The following RIPOR1 variants were observed in gnomAD, a reference collection of about 807,000 sequenced individuals.
RIPOR1 encodes rho family-interacting cell polarization regulator 1.
RIPOR1 carries 58 observed loss-of-function variants against 116.5 expected under a neutral mutation model. The observed-to-expected ratio is 0.50, with a 90% CI of 0.40 to 0.62. The LOEUF (loss-of-function observed/expected upper bound fraction) is 0.62. Among genes scored for constraint, RIPOR1 ranks in the 20% least tolerant of loss-of-function variants. The pLI is 0.00. For missense variants in RIPOR1, 1,372 were observed against 1,586.2 expected (o/e 0.86, Z 2.29); for synonymous variants, 605 against 650.0 (o/e 0.93, Z 1.05).
In RIPOR1 at chr16:67,539,903, C is replaced by A. The variant is rs778790010; in HGVS notation, c.414+4C>A. ...ACTGGAGTTCCATGCCAGCAAGGTACGAGTGCAGCATGTGTGCAGAGTGGG... is the reference window on the plus strand; with the variant it reads ...ACTGGAGTTCCATGCCAGCAAGGTAAGAGTGCAGCATGTGTGCAGAGTGGG... On this transcript the variant is annotated splice_donor_region_variant and intron_variant, in intron 6 of 21. Transcript: ENST00000042381. The A allele has an allele frequency of 1.2e-6, 2 of 1,614,134 alleles. No homozygotes were observed. Among genetic ancestry groups the A allele is most frequent in the South Asian group, 2.2e-5 (2 of 91,088 alleles).
rs976503402 is a variant in RIPOR1 at position 67,530,171 on chromosome 16, GGCGGGGAGGGC to G, written c.-24+1263_-24+1273del. On this transcript the variant is annotated intron_variant, in intron 1 of 21. Coordinates refer to ENST00000042381, the MANE Select transcript of RIPOR1 (RefSeq NM_024519.4). This position sits in a 1 kb window ranked among gnomAD's most constrained non-coding sequence, Gnocchi z 4.5. ...GGCTGGGTCCCGCTTGAGAGAAGCG[GGCGGGGAGGGC>G]GCGGGTGAGTCACGGCGGCCCCTCT... 8.8e-5 allele frequency: 33 copies of G among 373,052 alleles called. No homozygotes were observed. The highest frequency in any genetic ancestry group is 6.5e-4 in the African/African-American group (31 of 47,350). The allele number at this position is 373,052 out of a possible 1,614,324, so 23.1% of individuals were successfully genotyped here. A position where few individuals can be genotyped will look rare whatever the true frequency, so the allele number is the denominator to read the frequency against.
rs917927122 is a variant in RIPOR1, at chr16:67,537,749, G to A, written c.-23-675G>A. Among the ~76,000 whole-genome samples the A allele has an allele frequency of 5.9e-5, 9 of 152,110 alleles. No individual in the cohort carries two copies. The South Asian group carries it at 6.2e-4, about 10-fold the overall frequency. ...GATGCCGGGGTGGAGGCGCACGTCC[G>A]TGACTCAGTTTCCAGGTGGGAGCCT... On this transcript the variant is annotated intron_variant, in intron 1 of 21. Coordinates refer to ENST00000042381, the MANE Select transcript of RIPOR1 (RefSeq NM_024519.4). This position sits in a 1 kb window ranked among gnomAD's most constrained non-coding sequence, Gnocchi z 4.6.
chr16:67,534,963 CGCCCAGGTAGCTG>C (rs2050758252), intron 1 of RIPOR1, among the ~76,000 whole-genome samples: 2 of 151,512 alleles, frequency 1.3e-5, no homozygotes, highest in African/African-American at 4.9e-5. Flanking sequence ...CTGCCTCAGC[CGCCCAGGTAGCTG>C]GCACTACAGG....
In RIPOR1 at chr16:67,538,493, G is replaced by A. The variant is rs765902594; in HGVS notation, c.47G>A (p.Arg16Gln). ...CCGCAGCGCCGTCTGCTCAGCGCCC[G>A]GGTCAATAGGAGCCAGTCCTTCGCA... ...VRPQRRLLSA[R>Q]VNRSQSFAGV... The change falls in exon 2 of 22, where the codon CGG becomes CAG. Residue 16 changes from arginine to glutamine, a missense_variant. Physicochemically the swap from Arg to Gln is conservative, Grantham distance 43. This residue lies in a region of RIPOR1 where 165 missense variants were observed against 145.5 expected (regional missense o/e 1.13). Transcript: ENST00000042381. 7 of 1,611,794 alleles carry A rather than the reference G, an allele frequency of 4.3e-6. No homozygotes were observed. The highest frequency in any genetic ancestry group is 1.1e-5 in the South Asian group (1 of 90,970).
upstream of RIPOR1, among the ~76,000 whole-genome samples, chr16:67,525,591 C>T (rs2142397009): frequency 6.6e-6 from 1 of 152,244 alleles, no homozygotes; most frequent in Middle Eastern, 3.4e-3. Context: ...ATGGAACTAG[C>T]AGTGCCGTGT....
chr16:67,528,705 G>C (rs1444097599), upstream of RIPOR1: 1 of 152,070 alleles, frequency 6.6e-6, no homozygotes, highest in Non-Finnish European at 1.5e-5. Flanking sequence ...TTATCCGAGA[G>C]GGCGGAGCGA....
chr16:67,521,113 C>G (rs1232848355), intron 1 of RIPOR1, among the ~76,000 whole-genome samples: 1 of 152,210 alleles, frequency 6.6e-6, no homozygotes, highest in African/African-American at 2.4e-5. Flanking sequence ...GTCAGCAGAG[C>G]TGTCACACAG....
intron 1 of RIPOR1, among the ~76,000 whole-genome samples, chr16:67,535,646 A>G (rs1475362768): frequency 6.6e-6 from 1 of 152,138 alleles, no homozygotes; most frequent in Non-Finnish European, 1.5e-5. Flanking sequence ...CTCAGTGAAT[A>G]GGTGAATAAA....
In RIPOR1 at chr16:67,546,448, C is replaced by G. The variant is rs1375119926; in HGVS notation, c.3645C>G (p.Ala1215=). The part of the protein sequence containing the change: ...LPRIFGPGSM[A]STAF ...GCATCTTTGGGCCTGGCAGCATGGC[C>G]AGCACAGCATTCTAAACTATTCACC... is the stretch of plus-strand genomic sequence containing the variant. The change falls in exon 22 of 22, where the codon GCC becomes GCG. Residue 1215 remains alanine (A), a synonymous_variant. Coordinates refer to ENST00000042381, the MANE Select transcript of RIPOR1 (RefSeq NM_024519.4). 1.2e-6 allele frequency: 2 copies of G among 1,614,030 alleles called. No individual in the cohort carries two copies. Among genetic ancestry groups the G allele is most frequent in the Admixed American group, 1.7e-5 (1 of 60,032 alleles).
chr16:67,538,895 C>T, intron 3 of RIPOR1, 71 bp downstream of exon 3: 5 of 1,609,810 alleles, frequency 3.1e-6, no homozygotes, highest in East Asian at 2.2e-5. Flanking sequence ...TAGCAGGAAC[C>T]TTCTCCAGCC....
chr16:67,543,322 C>T lies in RIPOR1; in HGVS notation c.2479-26C>T, dbSNP rs370425498. 1.1e-5 allele frequency: 18 copies of T among 1,607,728 alleles called. No individual in the cohort carries two copies. Among genetic ancestry groups the T allele is most frequent in the South Asian group, 7.8e-5 (7 of 89,950 alleles). ...GGGAGGGCAGCCAGGGGGCGGCAGC[C>T]GCTCTGATGCCCTTCACAACCTCAG... is the stretch of plus-strand genomic sequence containing the variant. On this transcript the variant is annotated intron_variant, in intron 13 of 21. Coordinates refer to ENST00000042381, the MANE Select transcript of RIPOR1 (RefSeq NM_024519.4). The surrounding 1 kb of genome is among the most constrained non-coding windows in gnomAD (Gnocchi z 4.7).
chr16:67,546,549 C>A lies in RIPOR1; in HGVS notation c.*86C>A. The A allele has an allele frequency of 1.0e-6, 1 of 999,126 alleles. No individual in the cohort carries two copies. Among genetic ancestry groups the A allele is most frequent in the Non-Finnish European group, 1.5e-6 (1 of 648,190 alleles). 61.9% of individuals were successfully genotyped at this position (999,126 alleles called of 1,614,324 possible). The stretch of plus-strand genomic sequence containing the variant: ...TGGCAGGGAGGGTAAGGGCTGGCTC[C>A]AGATACCCCTCCCCCACAGATTCCT... On this transcript the variant is annotated 3_prime_UTR_variant, in exon 22 of 22. Transcript: ENST00000042381.
rs768687286 is a variant in RIPOR1, at chr16:67,530,707, CG to C, written c.-24+1795del. On this transcript the variant is annotated intron_variant, in intron 1 of 21. Coordinates refer to ENST00000042381, the MANE Select transcript of RIPOR1 (RefSeq NM_024519.4). This position sits in a 1 kb window ranked among gnomAD's most constrained non-coding sequence, Gnocchi z 4.5. ...CGGGGCTGCAAGATCTGGGGCCATG[CG>C]GACAGGTCAGGGCTCCTCCACTCAC... Among the ~76,000 whole-genome samples the C allele has an allele frequency of 2.0e-4, 30 of 152,136 alleles. No individual in the cohort carries two copies. The highest frequency in any genetic ancestry group is 3.5e-4 in the Non-Finnish European group (24 of 68,006).
rs1567578606 is a variant in RIPOR1, at chr16:67,544,948, C to G, written c.2870-8C>G. ...CTGTTGCTGACGGTTTCCCTCACCC[C>G]CTCACAGTGGTGCAGTTCTCGGCCT... On this transcript the variant is annotated splice_region_variant and splice_polypyrimidine_tract_variant and intron_variant, in intron 16 of 21. Transcript: ENST00000042381. This position sits in a 1 kb window ranked among gnomAD's most constrained non-coding sequence, Gnocchi z 5.1. 1.2e-6 allele frequency: 2 copies of G among 1,611,356 alleles called. No individual in the cohort carries two copies. Among genetic ancestry groups the G allele is most frequent in the South Asian group, 2.2e-5 (2 of 91,084 alleles).
chr16:67,521,869 G>C (rs1378276484), intron 1 of RIPOR1, among the ~76,000 whole-genome samples: 1 of 152,210 alleles, frequency 6.6e-6, no homozygotes, highest in Non-Finnish European at 1.5e-5. Context: ...ACCATTATTT[G>C]TATGAATAAA....
chr16:67,524,470 T>TC (rs761877613), upstream of RIPOR1, among the ~76,000 whole-genome samples: 10 of 151,978 alleles, frequency 6.6e-5, no homozygotes, highest in Non-Finnish European at 8.8e-5. Context: ...TGACCACTGT[T>TC]CCCCCCAGAA....
Position 67,544,381 on chromosome 16 carries a change from C to G in RIPOR1, c.2683C>G (p.Leu895Val). The G allele has an allele frequency of 6.2e-7, 1 of 1,613,224 alleles. No homozygotes were observed. The highest frequency in any genetic ancestry group is 8.5e-7 in the Non-Finnish European group (1 of 1,179,856). ...ARPLSTGCPA[L>V]DAALVRHLYH... ...CCCCCTCAGCACGGGGTGTCCAGCT[C>G]TGGATGCTGCCTTGGTCCGGCACCT... The change falls in exon 15 of 22, where the codon CTG (leucine) becomes GTG (valine). Residue 895 changes from leucine to valine, a missense_variant. By Grantham distance (32) the Leu-to-Val change is conservative. Around this residue, in one of 3 missense-constraint regions of RIPOR1, gnomAD observed 1,005 missense variants for 1,144.7 expected, o/e 0.88. Coordinates refer to ENST00000042381, the MANE Select transcript of RIPOR1 (RefSeq NM_024519.4). The surrounding 1 kb of genome is among the most constrained non-coding windows in gnomAD (Gnocchi z 5.1).
In RIPOR1 at chr16:67,541,388, C is replaced by T; in HGVS notation, c.802-42C>T. The T allele has an allele frequency of 6.3e-7, 1 of 1,593,826 alleles. No individual in the cohort carries two copies. The highest frequency in any genetic ancestry group is 8.6e-7 in the Non-Finnish European group (1 of 1,168,368). ...CCTCAGATTTCCCATGATCTCATAG[C>T]CCCTGCACCCTTGTGACCCTACCAT... On this transcript the variant is annotated intron_variant, in intron 10 of 21. Coordinates refer to ENST00000042381, the MANE Select transcript of RIPOR1 (RefSeq NM_024519.4). The surrounding 1 kb of genome is among the most constrained non-coding windows in gnomAD (Gnocchi z 4.6).
At chr16:67,533,532 A>G (rs2050715154) in intron 1 of RIPOR1, among the ~76,000 whole-genome samples, 1 of 152,000 alleles carries the variant, frequency 6.6e-6, no homozygotes, top group African/African-American at 2.4e-5. Context: ...AAGGGCTTAA[A>G]GAAGAGGAGG....
Sources: allele counts gnomAD v4.1 joint callset (sites outside exome capture counted in the v4.1 genomes callset), GRCh38; gene constraint gnomAD v4.1.1; regional missense constraint gnomAD v4.1.1; non-coding constraint Gnocchi (gnomAD v3.1); transcripts MANE v1.5; gene names NCBI Gene and HGNC (gene_info 2026-07-23, HGNC 2026-07-21).